Variants in SHISA9 observed in about 807,000 individuals in gnomAD.
SHISA9 encodes the protein protein shisa-9.
A neutral mutation model predicts 38.0 loss-of-function variants in SHISA9; 13 were observed. The observed-to-expected ratio is 0.34, with a 90% CI of 0.22 to 0.54. SHISA9 has a LOEUF of 0.54. Among genes scored for constraint, SHISA9 ranks in the 20% least tolerant of loss-of-function variants. The pLI is 0.91. For missense variants in SHISA9, 538 were observed against 575.8 expected, an observed-to-expected ratio of 0.93 and a Z score of 0.67; for synonymous variants, 275 against 242.0, an observed-to-expected ratio of 1.14 and a Z score of -1.27.
chr16:13,157,596 G>A (rs1428080654), intron 2 of SHISA9, among the ~76,000 whole-genome samples: 2 of 152,212 alleles, frequency 1.3e-5, no homozygotes, highest in Non-Finnish European at 2.9e-5. Flanking sequence ...AGTGTTATGT[G>A]TTGTGACTAA....
At chr16:13,117,826 C>T (rs2074045530) in intron 2 of SHISA9, among the ~76,000 whole-genome samples, 2 of 152,156 alleles carry the variant, frequency 1.3e-5, no homozygotes, top group Admixed American at 6.5e-5. Flanking sequence ...CAATCAGTTT[C>T]TGTATTCTGG....
chr16:13,101,108 G>A (rs991968052), intron 2 of SHISA9, among the ~76,000 whole-genome samples: 1 of 152,194 alleles, frequency 6.6e-6, no homozygotes, highest in South Asian at 2.1e-4. Context: ...CTATGTTTCC[G>A]GGGCTGTGGG....
chr16:13,143,917 G>C (rs1484018924), intron 2 of SHISA9, among the ~76,000 whole-genome samples: 1 of 152,100 alleles, frequency 6.6e-6, no homozygotes, highest in Non-Finnish European at 1.5e-5. Context: ...TATAAATTAG[G>C]ACTTATTTTA....
At chr16:13,073,907 G>A (rs891263877) in intron 2 of SHISA9, among the ~76,000 whole-genome samples, 11 of 151,864 alleles carry the variant, frequency 7.2e-5, no homozygotes, top group African/African-American at 2.7e-4. Context: ...TGGACTCCTT[G>A]GTTTCAGACT....
At chr16:13,405,876 G>C in the SHISA9 span, among the ~76,000 whole-genome samples, 3 of 149,738 alleles carry the variant, frequency 2.0e-5, no homozygotes, top group African/African-American at 7.4e-5. Context: ...GTATAACACT[G>C]ATAGGCATCT....
At chr16:13,437,688 A>G in the SHISA9 span, among the ~76,000 whole-genome samples, 21,499 of 152,056 alleles carry the variant, frequency 0.14, 1,552 homozygotes, top group East Asian at 0.25. Flanking sequence ...CTGGGGGCCC[A>G]GAGCATTTCT....
intron 2 of SHISA9, among the ~76,000 whole-genome samples, chr16:12,998,923 C>T (rs544138709): frequency 6.6e-5 from 10 of 152,140 alleles, no homozygotes; most frequent in Non-Finnish European, 1.0e-4. Flanking sequence ...AAATCCCTAA[C>T]CATTGCTCTT....
At chr16:13,522,884 G>A in the SHISA9 span, among the ~76,000 whole-genome samples, 1 of 152,174 alleles carries the variant, frequency 6.6e-6, no homozygotes, top group African/African-American at 2.4e-5. Flanking sequence ...GGAATATGAT[G>A]CAATTCAGCC....
At chr16:13,511,213 G>C in the SHISA9 span, among the ~76,000 whole-genome samples, 2 of 152,156 alleles carry the variant, frequency 1.3e-5, no homozygotes, top group Non-Finnish European at 2.9e-5. Flanking sequence ...TAAATTCTTT[G>C]GGGAAATTAG....
At chr16:13,202,994 C>T (rs139789959) in intron 2 of SHISA9, among the ~76,000 whole-genome samples, 1 of 152,306 alleles carries the variant, frequency 6.6e-6, no homozygotes, top group African/African-American at 2.4e-5. Context: ...CCTTCAATCC[C>T]TTTAACATCT....
the SHISA9 span, chr16:13,332,619 G>A: frequency 6.6e-6 from 1 of 152,126 alleles, no homozygotes; most frequent in Non-Finnish European, 1.5e-5. Flanking sequence ...AGCACAGCAA[G>A]GAAGCAGCAC....
At chr16:13,488,245 T>G in the SHISA9 span, among the ~76,000 whole-genome samples, 1 of 134,848 alleles carries the variant, frequency 7.4e-6, no homozygotes, top group East Asian at 2.0e-4. Context: ...TTCCTCAAAA[T>G]GCAAAAAAAA....
At chr16:13,284,078 G>T in the SHISA9 span, among the ~76,000 whole-genome samples, 1 of 152,232 alleles carries the variant, frequency 6.6e-6, no homozygotes, top group African/African-American at 2.4e-5. Flanking sequence ...TTATTAAACA[G>T]ATTGCAAGCT....
the SHISA9 span, among the ~76,000 whole-genome samples, chr16:13,506,860 C>T: frequency 3.9e-5 from 6 of 151,970 alleles, no homozygotes; most frequent in Non-Finnish European, 5.9e-5. Context: ...CAGAGCAAGA[C>T]CCCATCTCTA....
chr16:13,308,217 T>TG, the SHISA9 span, among the ~76,000 whole-genome samples: 2 of 149,972 alleles, frequency 1.3e-5, no homozygotes, highest in African/African-American at 2.5e-5. Context: ...TAGGAGCTTT[T>TG]TTTTTTTTAT....
At chr16:12,975,131 G>A (rs2072139697) in intron 2 of SHISA9, among the ~76,000 whole-genome samples, 1 of 152,204 alleles carries the variant, frequency 6.6e-6, no homozygotes, top group Non-Finnish European at 1.5e-5. Flanking sequence ...TTTTGTTTAA[G>A]TGTGTGTTGT....
chr16:13,311,195 T>G, the SHISA9 span, among the ~76,000 whole-genome samples: 1 of 151,988 alleles, frequency 6.6e-6, no homozygotes, highest in Non-Finnish European at 1.5e-5. Flanking sequence ...AAGACATTCA[T>G]AAGGCTACCA....
At chr16:13,432,788 AT>A in the SHISA9 span, among the ~76,000 whole-genome samples, 164 of 152,330 alleles carry the variant, frequency 1.1e-3, 1 homozygote, top group African/African-American at 3.7e-3. Flanking sequence ...GCTGGAGGCC[AT>A]TATCCTTAGC....
chr16:13,014,911 G>A (rs552711747), intron 2 of SHISA9, among the ~76,000 whole-genome samples: 1 of 152,310 alleles, frequency 6.6e-6, no homozygotes, highest in South Asian at 2.1e-4. Context: ...GGCATGTTCG[G>A]ATACTGCCTT....
Sources: allele counts gnomAD v4.1 joint callset (sites outside exome capture counted in the v4.1 genomes callset), GRCh38; gene constraint gnomAD v4.1.1; transcripts MANE v1.5; gene names NCBI Gene and HGNC (gene_info 2026-07-23, HGNC 2026-07-21).